Variants in SYT1 observed in about 807,000 individuals in gnomAD.
SYT1 encodes the protein synaptotagmin 1.
SYT1 carries 8 observed loss-of-function variants against 44.8 expected under a neutral mutation model. The ratio of observed to expected loss-of-function variants is 0.18; its 90% confidence interval spans 0.10 to 0.32. The LOEUF (loss-of-function observed/expected upper bound fraction) is 0.32, where lower values mean the gene tolerates loss of function less well. Among genes scored for constraint, SYT1 ranks in the 10% least tolerant of loss-of-function variants. SYT1 has a pLI of 1.00. For synonymous variants in SYT1, 154 were observed against 188.8 expected (o/e 0.82, Z 1.51); for missense variants, 286 against 509.3 (o/e 0.56, Z 4.22).
At chr12:79,423,990 T>C (rs981288645) in intron 9 of SYT1, among the ~76,000 whole-genome samples, 3 of 151,754 alleles carry the variant, frequency 2.0e-5, no homozygotes, top group Admixed American at 2.0e-4. Context: ...TTCTTTTTTC[T>C]ATTTAGGTTA....
intron 3 of SYT1, among the ~76,000 whole-genome samples, chr12:79,194,587 A>G (rs978530416): frequency 7.9e-5 from 12 of 152,068 alleles, no homozygotes; most frequent in African/African-American, 2.9e-4. Context: ...AAGGATTTTT[A>G]TTTTTAATGA....
At chr12:79,202,206 A>G (rs1160408639) in intron 3 of SYT1, among the ~76,000 whole-genome samples, 2 of 152,162 alleles carry the variant, frequency 1.3e-5, no homozygotes, top group Non-Finnish European at 2.9e-5. Context: ...TTATTAAGCC[A>G]CTCAGATGGC....
chr12:79,079,087 G>A (rs1227300315), intron 3 of SYT1, among the ~76,000 whole-genome samples: 2 of 152,120 alleles, frequency 1.3e-5, no homozygotes, highest in Non-Finnish European at 2.9e-5. Flanking sequence ...CGCTTGTGAT[G>A]TTTGGAATAC....
intron 7 of SYT1, among the ~76,000 whole-genome samples, chr12:79,297,086 TGGGATGAAATAAATTGAAAATGA>T (rs1352222986): frequency 6.6e-6 from 1 of 152,180 alleles, no homozygotes; most frequent in Non-Finnish European, 1.5e-5. Flanking sequence ...GCAAACATTC[TGGGATGAAATAAATTGAAAATGA>T]GGGCATGAGT....
chr12:79,207,356 TTTTG>T (rs2138520240), intron 3 of SYT1, among the ~76,000 whole-genome samples: 1 of 152,306 alleles, frequency 6.6e-6, no homozygotes, highest in South Asian at 2.1e-4. Flanking sequence ...AAACAAAGTT[TTTTG>T]TTTGTTTTAA....
At chr12:79,334,144 C>G (rs1881982749) in intron 8 of SYT1, among the ~76,000 whole-genome samples, 1 of 152,060 alleles carries the variant, frequency 6.6e-6, no homozygotes, top group East Asian at 1.9e-4. Flanking sequence ...TTGCCTGTAG[C>G]TTAGTTTTTC....
chr12:78,964,875 C>G (rs1879691326), intron 1 of SYT1, among the ~76,000 whole-genome samples: 1 of 152,014 alleles, frequency 6.6e-6, no homozygotes, highest in Non-Finnish European at 1.5e-5. Context: ...AACCTCTGCA[C>G]TTTACTTTTA....
At chr12:79,280,803 G>GA in intron 4 of SYT1, among the ~76,000 whole-genome samples, 1 of 150,900 alleles carries the variant, frequency 6.6e-6, no homozygotes, top group East Asian at 1.9e-4. Context: ...AAATCAGCAA[G>GA]AAAAAAAGAT....
Position 79,092,435 on chromosome 12 carries a change from G to GA in SYT1, c.-18+45082dup, listed in dbSNP as rs574198277. On this transcript the variant is annotated intron_variant, in intron 3 of 10. Transcript: ENST00000261205. ...AAACTCTGGAGGGATCAGGTAGGGA[G>GA]AAAAAAAAATTTCAATTCTGCACAC... Among the ~76,000 whole-genome samples the GA allele has an allele frequency of 2.1e-4, 32 of 149,736 alleles. 1 individual carries two copies. The highest frequency in any genetic ancestry group is 6.0e-4 in the Admixed American group (9 of 14,958).
intron 3 of SYT1, among the ~76,000 whole-genome samples, chr12:79,145,559 A>G (rs1208237773): frequency 2.0e-5 from 3 of 152,174 alleles, no homozygotes; most frequent in African/African-American, 4.8e-5. Context: ...ATGATTTTAC[A>G]TATTAAAATT....
At chr12:79,063,976 T>C (rs1875574955) in intron 3 of SYT1, among the ~76,000 whole-genome samples, 1 of 152,208 alleles carries the variant, frequency 6.6e-6, no homozygotes, top group African/African-American at 2.4e-5. Flanking sequence ...GACATGCCTC[T>C]GCTTCAGTAT....
chr12:79,156,499 G>T (rs1315642714), intron 3 of SYT1, among the ~76,000 whole-genome samples: 1 of 151,898 alleles, frequency 6.6e-6, no homozygotes, highest in Middle Eastern at 3.4e-3. Flanking sequence ...ATGGAGTCTC[G>T]CTCTGTCTCC....
intron 8 of SYT1, among the ~76,000 whole-genome samples, chr12:79,349,779 GATAA>G (rs1441541773): frequency 2.0e-5 from 3 of 152,008 alleles, no homozygotes; most frequent in African/African-American, 7.2e-5. Context: ...ACTTTAGAGT[GATAA>G]ATAAAATATT....
chr12:79,326,690 A>G (rs1881623361), intron 8 of SYT1, among the ~76,000 whole-genome samples: 1 of 152,226 alleles, frequency 6.6e-6, no homozygotes, highest in Non-Finnish European at 1.5e-5. Flanking sequence ...TGCGAGAGGC[A>G]GCTGATTGGT....
chr12:78,906,552 T>C (rs1875991754), intron 1 of SYT1, among the ~76,000 whole-genome samples: 1 of 152,090 alleles, frequency 6.6e-6, no homozygotes, highest in Non-Finnish European at 1.5e-5. Flanking sequence ...GTAACAGCAG[T>C]AAATACATGA....
intron 1 of SYT1, among the ~76,000 whole-genome samples, chr12:78,950,972 C>G (rs560850574): frequency 6.6e-6 from 1 of 152,192 alleles, no homozygotes; most frequent in Non-Finnish European, 1.5e-5. Flanking sequence ...TACAAATTGA[C>G]ATCACCCATG....
chr12:78,987,982 T>C (rs1319681365), intron 2 of SYT1, among the ~76,000 whole-genome samples: 2 of 152,108 alleles, frequency 1.3e-5, no homozygotes, highest in Non-Finnish European at 2.9e-5. Flanking sequence ...GTAATGGAAC[T>C]GTGGAGGGAT....
intron 3 of SYT1, among the ~76,000 whole-genome samples, chr12:79,142,510 C>T (rs761931900): frequency 6.6e-6 from 1 of 152,098 alleles, no homozygotes; most frequent in Non-Finnish European, 1.5e-5. Flanking sequence ...CCATGTGGAC[C>T]AATCATGAGA....
chr12:79,179,269 G>GATATAGAT (rs1565841718), intron 3 of SYT1, among the ~76,000 whole-genome samples: 3 of 99,956 alleles, frequency 3.0e-5, no homozygotes, highest in Admixed American at 1.2e-4. Context: ...TAGATATATA[G>GATATAGAT]ATATAGATAT....
Sources: allele counts gnomAD v4.1 joint callset (sites outside exome capture counted in the v4.1 genomes callset), GRCh38; gene constraint gnomAD v4.1.1; transcripts MANE v1.5; gene names NCBI Gene and HGNC (gene_info 2026-07-23, HGNC 2026-07-21).